The following ZNF638 variants were observed in gnomAD, a reference collection of about 807,000 sequenced individuals.
ZNF638 encodes zinc finger protein 638, also known as CTCL tumor antigen se33-1.
Under a neutral mutation model 195.6 loss-of-function variants are expected in ZNF638, and 46 were observed. That is an observed-to-expected ratio of 0.24 (90% CI 0.19 to 0.30). The LOEUF (loss-of-function observed/expected upper bound fraction) is 0.30, where lower values mean the gene tolerates loss of function less well. Ranked by LOEUF, ZNF638 falls within the 10% of genes least tolerant of loss-of-function variation. The pLI, the probability that ZNF638 is intolerant of heterozygous loss-of-function variation, is 1.00. For synonymous variants in ZNF638, 845 were observed against 772.0 expected (o/e 1.09, Z -1.57); for missense variants, 2,440 against 2,325.3 (o/e 1.05, Z -1.01).
Position 71,362,039 on chromosome 2 carries a change from T to C in ZNF638, c.1380-1114T>C, listed in dbSNP as rs188878260. Among the ~76,000 whole-genome samples, 7 of 152,352 alleles carry C rather than the reference T, an allele frequency of 4.6e-5. No homozygotes were observed. The East Asian group carries it at 1.3e-3, about 29-fold the overall frequency. On this transcript the variant is annotated intron_variant, in intron 3 of 27. Coordinates refer to ENST00000264447, the MANE Select transcript of ZNF638 (RefSeq NM_014497.5). ...GCTGCTGAAATTTTATTCTTAAATG[T>C]AGTGATTTATTTATTTAATATAATC... is the stretch of plus-strand genomic sequence containing the variant.
chr2:71,375,302 C>T (rs1034638061), intron 8 of ZNF638: 9 of 152,218 alleles, frequency 5.9e-5, no homozygotes, highest in African/African-American at 2.2e-4. Context: ...ATATTTATCT[C>T]ATAACAGAAA....
intron 8 of ZNF638, among the ~76,000 whole-genome samples, chr2:71,374,555 A>T (rs77937307): frequency 1.3e-5 from 2 of 152,200 alleles, no homozygotes. Context: ...CTTAAAAAAA[A>T]CTTACTGGAA....
intron 20 of ZNF638, among the ~76,000 whole-genome samples, chr2:71,409,038 A>G (rs928698182): frequency 6.6e-6 from 1 of 152,146 alleles, no homozygotes; most frequent in African/African-American, 2.4e-5. Flanking sequence ...ATATTTTTCA[A>G]GCTGTTATTC....
intron 20 of ZNF638, chr2:71,408,654 A>G: frequency 2.8e-6 from 1 of 359,670 alleles, no homozygotes; most frequent in Non-Finnish European, 5.5e-6. Context: ...AAGAAATAAG[A>G]TTTCACAGGT....
rs1051429034 is a variant in ZNF638 at position 71,370,123 on chromosome 2, T to A, written c.2265+118T>A. ...AAACATAAATGTTAGCTCAACACAT[T>A]ATATGTGCATTAATTCAAGTATGTT... is the stretch of plus-strand genomic sequence containing the variant. On this transcript the variant is annotated intron_variant, in intron 8 of 27. Transcript: ENST00000264447. 1.5e-5 allele frequency: 16 copies of A among 1,072,144 alleles called. 1 individual carries two copies. In the South Asian group the frequency reaches 2.1e-4, roughly 14 times the overall value. The allele number at this position is 1,072,144 out of a possible 1,614,324, so 66.4% of individuals were successfully genotyped here.
rs1029773996 is a variant in ZNF638, at chr2:71,331,824, C to G, written c.-254C>G. ...CGGCGTCGAGACTGGAGGCTGAGTG[C>G]TAAACTGTGTGGGGCGCGGATGGGA... is the stretch of plus-strand genomic sequence containing the variant. On this transcript the variant is annotated 5_prime_UTR_variant, in exon 1 of 28. Coordinates refer to ENST00000264447, the MANE Select transcript of ZNF638 (RefSeq NM_014497.5). 11 of 986,290 alleles carry G rather than the reference C, an allele frequency of 1.1e-5. No individual in the cohort carries two copies. The East Asian group carries it at 3.4e-4, about 31-fold the overall frequency. 61.1% of individuals were successfully genotyped at this position (986,290 alleles called of 1,614,324 possible).
chr2:71,385,320 A>G (rs1263415498), intron 10 of ZNF638, among the ~76,000 whole-genome samples: 2 of 152,210 alleles, frequency 1.3e-5, no homozygotes, highest in African/African-American at 4.8e-5. Flanking sequence ...TAGCTCATAC[A>G]AGGGCCTATA....
chr2:71,380,045 G>A (rs1034555445), intron 8 of ZNF638, 177 bp from the exon 9 acceptor site: 1 of 432,946 alleles, frequency 2.3e-6, no homozygotes, highest in Non-Finnish European at 4.2e-6. Flanking sequence ...GATGAGTTGT[G>A]AAAGATGAGA....
chr2:71,380,122 C>A, intron 8 of ZNF638, 100 bp from the exon 9 acceptor site: 1 of 559,396 alleles, frequency 1.8e-6, no homozygotes, highest in Non-Finnish European at 3.0e-6. Flanking sequence ...AGGTAATAAT[C>A]ATGTGTCCTT....
chr2:71,347,767 C>T (rs2078875176), intron 1 of ZNF638, among the ~76,000 whole-genome samples: 1 of 152,138 alleles, frequency 6.6e-6, no homozygotes. Flanking sequence ...GGTCAGCAAC[C>T]AGTTTTAACT....
chr2:71,403,818 G>T (rs2080052389), intron 16 of ZNF638, 52 bp from the exon 17 acceptor site: 2 of 1,345,328 alleles, frequency 1.5e-6, no homozygotes, highest in South Asian at 1.5e-5. Flanking sequence ...GTCTGTTTTT[G>T]AGAAAAAGTA....
At chr2:71,360,713 ATTT>A (rs2079094597) in intron 3 of ZNF638, among the ~76,000 whole-genome samples, 1 of 152,206 alleles carries the variant, frequency 6.6e-6, no homozygotes, top group African/African-American at 2.4e-5. Flanking sequence ...CACTGAGAAC[ATTT>A]TTGTTGCAAA....
At chr2:71,400,849 A>G (rs552150602) in intron 15 of ZNF638, among the ~76,000 whole-genome samples, 32 of 152,184 alleles carry the variant, frequency 2.1e-4, no homozygotes, top group Middle Eastern at 3.4e-3. Context: ...TGTGAAGTCT[A>G]TTTTTTTCTT....
intron 8 of ZNF638, chr2:71,376,185 G>A (rs56313225): frequency 5.6e-4 from 86 of 152,280 alleles, no homozygotes; most frequent in African/African-American, 1.8e-3. Context: ...AAGAAAATAC[G>A]AGCACTAGAA....
intron 20 of ZNF638, among the ~76,000 whole-genome samples, chr2:71,410,425 G>A (rs1408239390): frequency 6.6e-6 from 1 of 151,420 alleles, no homozygotes; most frequent in Admixed American, 6.6e-5. Flanking sequence ...TGCCCAGGCT[G>A]GTCTCAAACT....
At chr2:71,401,362 G>A (rs1431311606) in intron 15 of ZNF638, among the ~76,000 whole-genome samples, 1 of 152,004 alleles carries the variant, frequency 6.6e-6, no homozygotes, top group African/African-American at 2.4e-5. Flanking sequence ...GTGCTTAATT[G>A]CATTGAGGAT....
intron 10 of ZNF638, 191 bp from the exon 11 acceptor site, chr2:71,395,950 C>A: frequency 1.6e-6 from 1 of 615,940 alleles, no homozygotes; most frequent in Non-Finnish European, 2.9e-6. Context: ...AAATTTAAAT[C>A]TGTATGCCTT....
At chr2:71,360,647 A>T (rs2079093662) in intron 3 of ZNF638, among the ~76,000 whole-genome samples, 1 of 151,850 alleles carries the variant, frequency 6.6e-6, no homozygotes, top group Non-Finnish European at 1.5e-5. Flanking sequence ...TGTCTGGGAA[A>T]CTTGTTGAAT....
rs2078902424 is a variant in ZNF638, at chr2:71,349,205, A to G, written c.251A>G (p.Lys84Arg). ...CACAGAACTGATCCAAGATTGACCA[A>G]AGAAAAACTGGATTTTCATGAAGCA... Reference protein sequence around the residue: ...TQHRTDPRLTKEKLDFHEAQQ... With the variant: ...TQHRTDPRLTREKLDFHEAQQ... The change falls in exon 2 of 28, where the codon AAA becomes AGA. Residue 84 changes from lysine to arginine, a missense_variant. Transcript: ENST00000264447. The G allele has an allele frequency of 1.2e-6, 2 of 1,614,220 alleles. No individual in the cohort carries two copies. The highest frequency in any genetic ancestry group is 2.2e-5 in the East Asian group (1 of 44,882).
Sources: allele counts gnomAD v4.1 joint callset (sites outside exome capture counted in the v4.1 genomes callset), GRCh38; gene constraint gnomAD v4.1.1; transcripts MANE v1.5; gene names NCBI Gene and HGNC (gene_info 2026-07-23, HGNC 2026-07-21).